LRMDA: variants seen among roughly 807,000 people sequenced by gnomAD.
LRMDA encodes leucine-rich melanocyte differentiation-associated protein.
LRMDA carries 18 observed loss-of-function variants against 29.8 expected under a neutral mutation model. The observed-to-expected ratio is 0.60, with a 90% CI of 0.42 to 0.90. The LOEUF (loss-of-function observed/expected upper bound fraction) is 0.90. Among genes scored for constraint, LRMDA ranks in the 40% least tolerant of loss-of-function variants. LRMDA has a pLI of 0.00. For missense variants in LRMDA, 273 were observed against 273.9 expected (o/e 1.00, Z 0.02); for synonymous variants, 125 against 109.4 (o/e 1.14, Z -0.89).
chr10:76,418,902 T>C (rs921416935), intron 6 of LRMDA, among the ~76,000 whole-genome samples: 11 of 152,082 alleles, frequency 7.2e-5, no homozygotes, highest in African/African-American at 2.4e-4. Context: ...ATGAATTACA[T>C]TGATCATTTT....
At chr10:76,011,352 G>A (rs1003319331) in intron 2 of LRMDA, among the ~76,000 whole-genome samples, 15 of 152,160 alleles carry the variant, frequency 9.9e-5, no homozygotes, top group Non-Finnish European at 2.2e-4. Flanking sequence ...GAGGAGAGGG[G>A]CCACTTCCAA....
chr10:76,511,444 CA>C (rs2132352179), intron 6 of LRMDA, among the ~76,000 whole-genome samples: 1 of 152,038 alleles, frequency 6.6e-6, no homozygotes, highest in South Asian at 2.1e-4. Context: ...TGTCAGCAGC[CA>C]GATAATGGAG....
chr10:76,329,501 A>G (rs1840878281), intron 6 of LRMDA, among the ~76,000 whole-genome samples: 1 of 152,264 alleles, frequency 6.6e-6, no homozygotes, highest in South Asian at 2.1e-4. Flanking sequence ...AGAAAGCAAA[A>G]AGAAAAAAAA....
intron 6 of LRMDA, among the ~76,000 whole-genome samples, chr10:76,345,003 T>C (rs1438990715): frequency 2.0e-5 from 3 of 150,962 alleles, no homozygotes; most frequent in Admixed American, 6.6e-5. Context: ...AATTTGACTT[T>C]ATTAGAAATA....
chr10:75,578,242 AG>A (rs1840536533), intron 2 of LRMDA, among the ~76,000 whole-genome samples: 2 of 147,824 alleles, frequency 1.4e-5, no homozygotes, highest in African/African-American at 5.0e-5. Context: ...AAAAAAAAGC[AG>A]CAGTTGCAAT....
intron 2 of LRMDA, among the ~76,000 whole-genome samples, chr10:76,012,179 C>T (rs551636557): frequency 6.6e-6 from 1 of 152,172 alleles, no homozygotes; most frequent in Non-Finnish European, 1.5e-5. Flanking sequence ...TTCTGTTTAC[C>T]GGTTGTTCAA....
At chr10:76,214,405 C>T (rs1294937194) in intron 5 of LRMDA, among the ~76,000 whole-genome samples, 3 of 135,592 alleles carry the variant, frequency 2.2e-5, no homozygotes, top group East Asian at 2.3e-4. Context: ...TCCGCAGTGG[C>T]GCAATCTCGG....
chr10:76,445,071 G>C (rs1013924710), intron 6 of LRMDA, among the ~76,000 whole-genome samples: 11 of 152,134 alleles, frequency 7.2e-5, no homozygotes, highest in African/African-American at 2.7e-4. Context: ...ATACTTGGTA[G>C]ATTAAGACAC....
At chr10:76,460,349 A>G (rs1348559209) in intron 6 of LRMDA, among the ~76,000 whole-genome samples, 1 of 152,204 alleles carries the variant, frequency 6.6e-6, no homozygotes, top group African/African-American at 2.4e-5. Flanking sequence ...GGCTCTAAAA[A>G]TTTGTATTTC....
intron 5 of LRMDA, among the ~76,000 whole-genome samples, chr10:76,256,962 T>C (rs117021000): frequency 6.6e-6 from 1 of 152,144 alleles, no homozygotes; most frequent in Non-Finnish European, 1.5e-5. Flanking sequence ...AGAAAAATGA[T>C]TGAGAGATAA....
At chr10:75,646,070 T>G (rs1253143997) in intron 2 of LRMDA, among the ~76,000 whole-genome samples, 1 of 151,232 alleles carries the variant, frequency 6.6e-6, no homozygotes, top group Non-Finnish European at 1.5e-5. Context: ...CCATTCTTTC[T>G]TGGGTCTTCT....
chr10:76,088,246 G>T (rs779994899), intron 5 of LRMDA, among the ~76,000 whole-genome samples: 4 of 152,204 alleles, frequency 2.6e-5, no homozygotes, highest in Non-Finnish European at 5.9e-5. Context: ...CATGGTCACA[G>T]CAGAGAGGAC....
intron 6 of LRMDA, among the ~76,000 whole-genome samples, chr10:76,382,965 G>A (rs1841610856): frequency 6.6e-6 from 1 of 152,214 alleles, no homozygotes; most frequent in Admixed American, 6.5e-5. Context: ...TCCCATTACA[G>A]TTCAGCACAG....
intron 2 of LRMDA, among the ~76,000 whole-genome samples, chr10:75,768,047 G>A (rs1022609224): frequency 2.0e-5 from 3 of 152,228 alleles, no homozygotes; most frequent in Admixed American, 2.0e-4. Context: ...TACAGCCTCT[G>A]GAGATAATAT....
intron 6 of LRMDA, among the ~76,000 whole-genome samples, chr10:76,471,383 G>T (rs966795865): frequency 1.1e-4 from 17 of 151,642 alleles, no homozygotes; most frequent in African/African-American, 4.1e-4. Flanking sequence ...ATCTGAAAGA[G>T]ATTCTGATGA....
At chr10:75,640,637 C>T (rs984167189) in intron 2 of LRMDA, among the ~76,000 whole-genome samples, 4 of 152,158 alleles carry the variant, frequency 2.6e-5, no homozygotes, top group Non-Finnish European at 4.4e-5. Flanking sequence ...ATTAGAGGCC[C>T]CTCTCCCATC....
At chr10:75,844,494 C>A (rs1844597676) in intron 2 of LRMDA, among the ~76,000 whole-genome samples, 1 of 152,196 alleles carries the variant, frequency 6.6e-6, no homozygotes, top group Non-Finnish European at 1.5e-5. Context: ...GAGATTCCAG[C>A]AGGCTGGATG....
At chr10:76,041,575 T>G (rs1253432043) in intron 3 of LRMDA, among the ~76,000 whole-genome samples, 1 of 152,172 alleles carries the variant, frequency 6.6e-6, no homozygotes, top group East Asian at 1.9e-4. Context: ...AGGTTGCCCT[T>G]TAACCCGCAG....
Position 76,515,586 on chromosome 10 carries a change from AC to A in LRMDA, c.602-41621del, listed in dbSNP as rs1843052197. Among the ~76,000 whole-genome samples the A allele has an allele frequency of 2.0e-5, 3 of 152,110 alleles. No individual in the cohort carries two copies. In the South Asian group the frequency reaches 6.2e-4, roughly 32 times the overall value. On this transcript the variant is annotated intron_variant, in intron 6 of 6. Transcript: ENST00000611255. ...AGTGGCATGATCTTGGTTTACTGCA[AC>A]CTCTGCCTCTCAGGCTCAAGCAATC...
Sources: gnomAD v4.1 joint callset for allele counts (sites outside exome capture counted in the v4.1 genomes callset) on GRCh38, gnomAD v4.1.1 for gene constraint, MANE v1.5 for transcripts, NCBI Gene and HGNC (gene_info 2026-07-23, HGNC 2026-07-21) for gene names.